Variants in TFAP2D observed in about 807,000 individuals in gnomAD.
TFAP2D encodes the protein transcription factor AP-2-delta.
In TFAP2D, 9 loss-of-function variants were observed where a neutral mutation model predicts 43.6. The observed-to-expected ratio is 0.21, with a 90% CI of 0.12 to 0.36. The LOEUF is 0.36. Among genes scored for constraint, TFAP2D ranks in the 10% least tolerant of loss-of-function variants. The pLI is 1.00. For synonymous variants in TFAP2D, 256 were observed against 224.9 expected, an observed-to-expected ratio of 1.14 and a Z score of -1.24; for missense variants, 513 against 561.4, an observed-to-expected ratio of 0.91 and a Z score of 0.87.
intron 7 of TFAP2D, among the ~76,000 whole-genome samples, chr6:50,761,495 T>C (rs953488055): frequency 1.3e-5 from 2 of 152,122 alleles, no homozygotes; most frequent in Admixed American, 1.3e-4. Flanking sequence ...CTAAAGAGAC[T>C]TTCATTTCCT....
intron 7 of TFAP2D, among the ~76,000 whole-genome samples, chr6:50,756,722 A>G (rs1217027628): frequency 1.3e-5 from 2 of 151,996 alleles, no homozygotes; most frequent in East Asian, 3.9e-4. Context: ...GTTGTAGAGA[A>G]CACAGCAGAC....
chr6:50,758,702 T>C (rs551820537), intron 7 of TFAP2D, among the ~76,000 whole-genome samples: 1 of 152,172 alleles, frequency 6.6e-6, no homozygotes, highest in African/African-American at 2.4e-5. Context: ...TTTTTGTTTT[T>C]ATTTTGTTAA....
At position 50,764,612 on chromosome 6, in the gene TFAP2D, GT is replaced by G. The variant is rs1389436555; in HGVS notation, c.1140-8030del. ...AATTAAAATAAACGTAAATAAAACT[GT>G]TTAAGGAAAAAATATCACTGCAGAA... On this transcript the variant is annotated intron_variant, in intron 7 of 7. Transcript: ENST00000008391. Among the ~76,000 whole-genome samples, 14 of 152,232 alleles carry G rather than the reference GT, an allele frequency of 9.2e-5. 1 individual carries two copies. The East Asian group carries it at 2.3e-3, about 25-fold the overall frequency.
At chr6:50,718,198 G>A (rs1768658224) in intron 2 of TFAP2D, 2 of 151,932 alleles carry the variant, frequency 1.3e-5, no homozygotes, top group Non-Finnish European at 2.9e-5. Context: ...TGAGTAGGTT[G>A]AAAAGGGGGG....
chr6:50,771,532 T>G (rs1174545954), intron 7 of TFAP2D, among the ~76,000 whole-genome samples: 1 of 152,226 alleles, frequency 6.6e-6, no homozygotes, highest in Non-Finnish European at 1.5e-5. Flanking sequence ...TTTCTTCATG[T>G]GTAGTCTATG....
At chr6:50,767,020 G>C (rs1340366515) in intron 7 of TFAP2D, among the ~76,000 whole-genome samples, 3 of 152,258 alleles carry the variant, frequency 2.0e-5, no homozygotes, top group East Asian at 3.9e-4. Flanking sequence ...GTACTGCTTA[G>C]AAATGCAACT....
chr6:50,717,024 G>T (rs1393506311), intron 2 of TFAP2D, among the ~76,000 whole-genome samples: 1 of 152,134 alleles, frequency 6.6e-6, no homozygotes, highest in Non-Finnish European at 1.5e-5. Flanking sequence ...TACGCTCAGG[G>T]CATTTTTACA....
At chr6:50,756,085 C>T (rs986320837) in intron 7 of TFAP2D, among the ~76,000 whole-genome samples, 1 of 151,876 alleles carries the variant, frequency 6.6e-6, no homozygotes, top group East Asian at 1.9e-4. Flanking sequence ...CTTGTTTCAG[C>T]TTTGTAGGCT....
intron 5 of TFAP2D, among the ~76,000 whole-genome samples, chr6:50,734,531 C>T (rs1412600319): frequency 6.6e-6 from 1 of 151,944 alleles, no homozygotes; most frequent in African/African-American, 2.4e-5. Flanking sequence ...ACCCAGGGAC[C>T]CAGAATTCTT....
At chr6:50,754,310 C>G (rs1769236695) in intron 7 of TFAP2D, among the ~76,000 whole-genome samples, 1 of 151,536 alleles carries the variant, frequency 6.6e-6, no homozygotes, top group South Asian at 2.1e-4. Context: ...AATTTTCTTC[C>G]TTTTAAGGAT....
intron 6 of TFAP2D, 61 bp downstream of exon 6, chr6:50,745,309 T>C: frequency 1.9e-6 from 3 of 1,598,796 alleles, no homozygotes; most frequent in Non-Finnish European, 2.6e-6. Context: ...TTCATTTTCT[T>C]TGAAATGAGG....
chr6:50,740,387 A>T (rs1202022650), intron 5 of TFAP2D, among the ~76,000 whole-genome samples: 1 of 152,090 alleles, frequency 6.6e-6, no homozygotes, highest in Non-Finnish European at 1.5e-5. Flanking sequence ...GTGTAAAGTA[A>T]TTTTTTTAAA....
In TFAP2D at chr6:50,713,622, G is replaced by C. The variant is rs772194838; in HGVS notation, c.-434G>C. The stretch of plus-strand genomic sequence containing the variant: ...GTATAGAAAAGCATGATAAAGGTTG[G>C]AAAAAATGGATAAAAATGTTGAAAG... On this transcript the variant is annotated 5_prime_UTR_variant, in exon 1 of 8. Coordinates refer to ENST00000008391, the MANE Select transcript of TFAP2D (RefSeq NM_172238.4). Among the ~76,000 whole-genome samples, 1 of 152,104 alleles carries C rather than the reference G, an allele frequency of 6.6e-6. No homozygotes were observed. The highest frequency in any genetic ancestry group is 1.5e-5 in the Non-Finnish European group (1 of 68,010).
At chr6:50,765,708 A>G (rs1321384818) in intron 7 of TFAP2D, among the ~76,000 whole-genome samples, 2 of 150,952 alleles carry the variant, frequency 1.3e-5, no homozygotes, top group African/African-American at 4.9e-5. Context: ...ATATCAGGTT[A>G]TTTGTTTTTT....
At chr6:50,722,709 A>G (rs1384676241) in intron 3 of TFAP2D, among the ~76,000 whole-genome samples, 2 of 151,928 alleles carry the variant, frequency 1.3e-5, no homozygotes, top group Non-Finnish European at 1.5e-5. Context: ...TGGGCTGTGG[A>G]CCTCAGAAGT....
At chr6:50,763,421 C>G (rs1184878776) in intron 7 of TFAP2D, among the ~76,000 whole-genome samples, 1 of 152,090 alleles carries the variant, frequency 6.6e-6, no homozygotes, top group Non-Finnish European at 1.5e-5. Context: ...CTTCCTCCTC[C>G]CCTCCAACTT....
Position 50,745,067 on chromosome 6 carries a change from G to T in TFAP2D, c.884-40G>T, listed in dbSNP as rs765689607. 2.2e-5 allele frequency: 35 copies of T among 1,609,830 alleles called. No homozygotes were observed. The Admixed American group carries it at 5.8e-4, about 27-fold the overall frequency. On this transcript the variant is annotated intron_variant, in intron 5 of 7. Coordinates refer to ENST00000008391, the MANE Select transcript of TFAP2D (RefSeq NM_172238.4). ...GCAAGACACTACTGTTATTAAGGTTGGATACTGGTGAGAAACTCACTTGTG... is the reference window on the plus strand; with the variant it reads ...GCAAGACACTACTGTTATTAAGGTTTGATACTGGTGAGAAACTCACTTGTG...
intron 6 of TFAP2D, among the ~76,000 whole-genome samples, chr6:50,748,239 T>C (rs1284161707): frequency 6.6e-6 from 1 of 151,928 alleles, no homozygotes; most frequent in African/African-American, 2.4e-5. Context: ...ACCCAACATG[T>C]GTTCTGAGAA....
At chr6:50,729,061 C>G (rs753974882) in intron 4 of TFAP2D, 40 bp downstream of exon 4, 11 of 1,610,370 alleles carry the variant, frequency 6.8e-6, no homozygotes, top group African/African-American at 1.3e-5. Context: ...TTTCTGCTAA[C>G]TGATACCATA....
Sources: allele counts gnomAD v4.1 joint callset (sites outside exome capture counted in the v4.1 genomes callset), GRCh38; gene constraint gnomAD v4.1.1; transcripts MANE v1.5; gene names NCBI Gene and HGNC (gene_info 2026-07-23, HGNC 2026-07-21).